The following KLHL36 variants were observed in gnomAD, a reference collection of about 807,000 sequenced individuals.
KLHL36 encodes kelch like family member 36, also known as kelch-like protein 36.
KLHL36 carries 35 observed loss-of-function variants against 53.3 expected under a neutral mutation model. That is an observed-to-expected ratio of 0.66 (90% CI 0.50 to 0.87). The LOEUF (loss-of-function observed/expected upper bound fraction) is 0.87, where lower values mean the gene tolerates loss of function less well. Ranked by LOEUF, KLHL36 falls within the 40% of genes least tolerant of loss-of-function variation. KLHL36 has a pLI of 0.00. For missense variants in KLHL36, 864 were observed against 897.6 expected (o/e 0.96, Z 0.48); for synonymous variants, 472 against 398.9 (o/e 1.18, Z -2.18).
chr16:84,660,230 G>T (rs1287223594), intron 4 of KLHL36, among the ~76,000 whole-genome samples: 1 of 152,162 alleles, frequency 6.6e-6, no homozygotes, highest in Non-Finnish European at 1.5e-5. Context: ...TGGGCAGGAG[G>T]AGTTCAAAGA....
In KLHL36 at chr16:84,662,228, A is replaced by C; in HGVS notation, c.*95A>C. 8.9e-7 allele frequency: 1 copy of C among 1,118,276 alleles called. No homozygotes were observed. The highest frequency in any genetic ancestry group is 1.7e-5 in the South Asian group (1 of 58,120). The allele number at this position is 1,118,276 out of a possible 1,614,324, so 69.3% of individuals were successfully genotyped here. ...TTAGTATTCCGGAAACATTATGTAC[A>C]ACTTAGCAGCTTTTTTTACTTTTAT... On this transcript the variant is annotated 3_prime_UTR_variant, in exon 5 of 5. Coordinates refer to ENST00000564996, the MANE Select transcript of KLHL36 (RefSeq NM_024731.4).
intron 3 of KLHL36, chr16:84,658,676 C>A (rs1907365309): frequency 6.6e-6 from 1 of 152,224 alleles, no homozygotes; most frequent in African/African-American, 2.4e-5. Flanking sequence ...ACTGGCAAGC[C>A]CCTGGCGTAG....
In KLHL36 at chr16:84,657,333, G is replaced by C. The variant is rs749684519; in HGVS notation, c.526G>C (p.Gly176Arg). Residue 176 changes from glycine to arginine, a missense_variant, in exon 3 of 5, where the codon GGC (glycine) becomes CGC (arginine). By Grantham distance (125) the Gly-to-Arg change is moderately radical. Coordinates refer to ENST00000564996, the MANE Select transcript of KLHL36 (RefSeq NM_024731.4). ...CGATGGCTTCATCCTGAACCACTTC[G>C]GCACGCTGTCCTTTACGCCCGACTT... ...FIDGFILNHF[G>R]TLSFTPDFLQ... 3.1e-6 allele frequency: 5 copies of C among 1,613,204 alleles called. No homozygotes were observed. The Admixed American group carries it at 8.3e-5, about 27-fold the overall frequency.
rs757562534 is a variant in KLHL36 at position 84,657,566 on chromosome 16, G to A, written c.759G>A (p.Val253=). The part of the protein sequence containing the change: ...NDLLHRVKPA[V]CSLLPKEANC... ...TGCTGCACCGCGTCAAGCCGGCCGT[G>A]TGCTCGCTGCTGCCCAAGGAGGCCA... Residue 253 remains valine (V), a synonymous_variant, in exon 3 of 5, where the codon GTG becomes GTA. Coordinates refer to ENST00000564996, the MANE Select transcript of KLHL36 (RefSeq NM_024731.4). 48 of 1,610,840 alleles carry A rather than the reference G, an allele frequency of 3.0e-5. No individual in the cohort carries two copies. The highest frequency in any genetic ancestry group is 3.3e-5 in the Admixed American group (2 of 60,018).
At chr16:84,654,215 A>T (rs1407763307) in intron 2 of KLHL36, among the ~76,000 whole-genome samples, 2 of 152,194 alleles carry the variant, frequency 1.3e-5, no homozygotes, top group Non-Finnish European at 2.9e-5. Flanking sequence ...TCATGCCCTC[A>T]TATGCGTCTC....
In KLHL36 at chr16:84,659,928, G is replaced by A. The variant is rs1355366275; in HGVS notation, c.1295+11G>A. ...GGCCGGCTTGCCAAGGTGATCTGGG[G>A]CTTGGTGGAAGGTTCTCCAAATGGG... On this transcript the variant is annotated intron_variant, in intron 4 of 4. Transcript: ENST00000564996. The A allele has an allele frequency of 2.5e-6, 4 of 1,600,282 alleles. No homozygotes were observed. The highest frequency in any genetic ancestry group is 3.4e-6 in the Non-Finnish European group (4 of 1,168,864).
intron 4 of KLHL36, among the ~76,000 whole-genome samples, chr16:84,660,247 G>T (rs572276460): frequency 1.3e-4 from 20 of 152,198 alleles, no homozygotes; most frequent in African/African-American, 4.8e-4. Flanking sequence ...AAGAGATGGG[G>T]GTATATGTGC....
chr16:84,650,816 A>G, intron 1 of KLHL36, 36 bp from the exon 2 acceptor site: 2 of 1,472,630 alleles, frequency 1.4e-6, no homozygotes, highest in Non-Finnish European at 1.9e-6. Context: ...ACCTAGAGTT[A>G]TGACTGCATG....
In KLHL36 at chr16:84,662,387, G is replaced by A. The variant is rs1907612380; in HGVS notation, c.*254G>A. On this transcript the variant is annotated 3_prime_UTR_variant, in exon 5 of 5. Coordinates refer to ENST00000564996, the MANE Select transcript of KLHL36 (RefSeq NM_024731.4). ...GTATCTTCACAGGTCTTTGCCCCGTGTTATGATTCCTCATGGGTCCTTGCT... is the reference window on the plus strand; with the variant it reads ...GTATCTTCACAGGTCTTTGCCCCGTATTATGATTCCTCATGGGTCCTTGCT... 5.5e-6 allele frequency: 2 copies of A among 362,860 alleles called. No homozygotes were observed. Among genetic ancestry groups the A allele is most frequent in the Admixed American group, 4.2e-5 (1 of 24,090 alleles). 22.5% of individuals were successfully genotyped at this position (362,860 alleles called of 1,614,324 possible).
In KLHL36 at chr16:84,657,880, A is replaced by C; in HGVS notation, c.1073A>C (p.Asn358Thr). Residue 358 changes from asparagine (N) to threonine (T), a missense_variant, in exon 3 of 5, where the codon AAC becomes ACC. By Grantham distance (65) the Asn-to-Thr change is moderately conservative. Coordinates refer to ENST00000564996, the MANE Select transcript of KLHL36 (RefSeq NM_024731.4). ...GCCGGCGGCAGCTTCTCACGGGACA[A>C]CGGAGGGGATGCGGCCTCCAATCTT... ...FIAGGSFSRD[N>T]GGDAASNLLY... 1 of 1,574,954 alleles carries C rather than the reference A, an allele frequency of 6.3e-7. No homozygotes were observed. The highest frequency in any genetic ancestry group is 8.6e-7 in the Non-Finnish European group (1 of 1,158,432).
rs868424476 is a variant in KLHL36 at position 84,648,530 on chromosome 16, G to T, written c.-136G>T. 770 of 147,236 alleles carry T rather than the reference G, an allele frequency of 5.2e-3. 3 individuals carry two copies. Among genetic ancestry groups the T allele is most frequent in the Middle Eastern group, 0.011 (3 of 284 alleles). The allele number at this position is 147,236 out of a possible 1,614,324, so 9.1% of individuals were successfully genotyped here. On this transcript the variant is annotated 5_prime_UTR_variant, in exon 1 of 5. Coordinates refer to ENST00000564996, the MANE Select transcript of KLHL36 (RefSeq NM_024731.4). The surrounding 1 kb of genome is among the most constrained non-coding windows in gnomAD (Gnocchi z 4.9). ...TCCGCCCTCGGCCTCGCACTTCCTGGCGGAGCCATGGCTGCGCAGCGGGCT... is the reference window on the plus strand; with the variant it reads ...TCCGCCCTCGGCCTCGCACTTCCTGTCGGAGCCATGGCTGCGCAGCGGGCT...
At position 84,666,947 on chromosome 16, in the gene KLHL36, A is replaced by C. The variant is rs562473539; in HGVS notation, c.*4814A>C. On this transcript the variant is annotated 3_prime_UTR_variant, in exon 5 of 5. Coordinates refer to ENST00000564996, the MANE Select transcript of KLHL36 (RefSeq NM_024731.4). ...GGCAGTCGTGGTCGCCTGTAATCTC[A>C]GCTCTTCCGGAGGCTGAGGCAGGAG... The C allele has an allele frequency of 6.6e-6, 1 of 152,040 alleles. No individual in the cohort carries two copies. Among genetic ancestry groups the C allele is most frequent in the South Asian group, 2.1e-4 (1 of 4,800 alleles). The allele number at this position is 152,040 out of a possible 1,614,324, so 9.4% of individuals were successfully genotyped here.
rs561045270 is a variant in KLHL36, at chr16:84,656,013, C to T, written c.64-858C>T. ...GCTTGAGCGATCCTCCTGCCTCAGC[C>T]TCCTGAGCAGCTGGGACTACAGGCG... On this transcript the variant is annotated intron_variant, in intron 2 of 4. Transcript: ENST00000564996. Among the ~76,000 whole-genome samples, 62 of 152,106 alleles carry T rather than the reference C, an allele frequency of 4.1e-4. 1 individual carries two copies. The highest frequency in any genetic ancestry group is 3.9e-3 in the Admixed American group (60 of 15,282).
chr16:84,650,613 G>T (rs1295164675), intron 1 of KLHL36, among the ~76,000 whole-genome samples: 22 of 152,118 alleles, frequency 1.4e-4, no homozygotes, highest in Non-Finnish European at 2.9e-5. Context: ...TGAACCAAAT[G>T]ACATGATATC....
chr16:84,652,446 T>C (rs1055959585), intron 2 of KLHL36, among the ~76,000 whole-genome samples: 1 of 152,130 alleles, frequency 6.6e-6, no homozygotes, highest in African/African-American at 2.4e-5. Flanking sequence ...AATTTTTGTA[T>C]TTTTAGTAGA....
At position 84,662,105 on chromosome 16, in the gene KLHL36, G is replaced by A; in HGVS notation, c.1823G>A (p.Gly608Asp). Residue 608 changes from glycine (G) to aspartate (D), a missense_variant, in exon 5 of 5, where the codon GGC (glycine) becomes GAC (aspartate). Coordinates refer to ENST00000564996, the MANE Select transcript of KLHL36 (RefSeq NM_024731.4). ...RPEDKKKKGK[G>D]KRHQDRGQ ...GAGGACAAGAAGAAGAAAGGCAAAG[G>A]CAAGAGGCACCAGGACCGGGGCCAG... is the stretch of plus-strand genomic sequence containing the variant. 1.3e-6 allele frequency: 2 copies of A among 1,561,186 alleles called. No homozygotes were observed. The highest frequency in any genetic ancestry group is 1.7e-6 in the Non-Finnish European group (2 of 1,151,752).
Position 84,661,534 on chromosome 16 carries a change from A to C in KLHL36, c.1296-44A>C, listed in dbSNP as rs1464761136. On this transcript the variant is annotated intron_variant, in intron 4 of 4. Coordinates refer to ENST00000564996, the MANE Select transcript of KLHL36 (RefSeq NM_024731.4). This position sits in a 1 kb window ranked among gnomAD's most constrained non-coding sequence, Gnocchi z 7.9. ...CCGGCTCGGAGGGGGTAAGCCTGGCACAGCCCTGAGCTCTCCCTCTGTCTC... is the reference window on the plus strand; with the variant it reads ...CCGGCTCGGAGGGGGTAAGCCTGGCCCAGCCCTGAGCTCTCCCTCTGTCTC... 2.6e-6 allele frequency: 4 copies of C among 1,530,224 alleles called. No individual in the cohort carries two copies. Among genetic ancestry groups the C allele is most frequent in the South Asian group, 1.2e-5 (1 of 80,704 alleles). 94.8% of individuals were successfully genotyped at this position (1,530,224 alleles called of 1,614,324 possible).
chr16:84,659,266 G>A (rs537571655), intron 3 of KLHL36: 1 of 152,880 alleles, frequency 6.5e-6, no homozygotes, highest in South Asian at 2.0e-4. Flanking sequence ...GCTTCCCAAA[G>A]TGCCAGGATT....
rs903655486 is a variant in KLHL36 at position 84,657,682 on chromosome 16, C to G, written c.875C>G (p.Thr292Ser). The G allele has an allele frequency of 1.2e-6, 2 of 1,612,730 alleles. No individual in the cohort carries two copies. Among genetic ancestry groups the G allele is most frequent in the Non-Finnish European group, 1.7e-6 (2 of 1,179,798 alleles). Residue 292 changes from threonine to serine, a missense_variant, in exon 3 of 5, where the codon ACC (threonine) becomes AGC (serine). By Grantham distance (58) the Thr-to-Ser change is moderately conservative (BLOSUM62 1). Coordinates refer to ENST00000564996, the MANE Select transcript of KLHL36 (RefSeq NM_024731.4). ...VMQTKRTALR[T>S]NQERLLFVGG... The stretch of plus-strand genomic sequence containing the variant: ...CAGACCAAGCGCACGGCGCTGCGCA[C>G]CAACCAGGAGCGCCTGCTGTTTGTG...
Sources: allele counts gnomAD v4.1 joint callset (sites outside exome capture counted in the v4.1 genomes callset), GRCh38; gene constraint gnomAD v4.1.1; non-coding constraint Gnocchi (gnomAD v3.1); transcripts MANE v1.5; gene names NCBI Gene and HGNC (gene_info 2026-07-23, HGNC 2026-07-21).